Variants in LRP6 observed in about 807,000 individuals in gnomAD.
LRP6 encodes low-density lipoprotein receptor-related protein 6.
In LRP6, 43 loss-of-function variants were observed where a neutral mutation model predicts 184.1. The observed-to-expected ratio is 0.23, with a 90% CI of 0.18 to 0.30. The LOEUF (loss-of-function observed/expected upper bound fraction) is 0.30. Among genes scored for constraint, LRP6 ranks in the 10% least tolerant of loss-of-function variants. The probability of loss-of-function intolerance (pLI) is 1.00; values close to 1 mark genes in which losing one functional copy is unlikely to be tolerated. For synonymous variants in LRP6, 719 were observed against 684.9 expected (o/e 1.05, Z -0.78); for missense variants, 1,571 against 2,005.3 (o/e 0.78, Z 4.14).
At chr12:12,146,851 C>T (rs1455396848) in intron 15 of LRP6, among the ~76,000 whole-genome samples, 1 of 152,134 alleles carries the variant, frequency 6.6e-6, no homozygotes, top group African/African-American at 2.4e-5. Flanking sequence ...GGAAAGGATG[C>T]ATTAGAAATG....
intron 3 of LRP6, among the ~76,000 whole-genome samples, chr12:12,189,674 T>G (rs1461240547): frequency 6.6e-6 from 1 of 152,156 alleles, no homozygotes; most frequent in East Asian, 1.9e-4. Flanking sequence ...GCTAATTTTG[T>G]ATTTTTAGTA....
intron 3 of LRP6, among the ~76,000 whole-genome samples, chr12:12,195,092 C>A (rs1053306790): frequency 2.0e-5 from 3 of 152,166 alleles, no homozygotes; most frequent in Non-Finnish European, 2.9e-5. Context: ...TTTTCTTTAT[C>A]TATTCATCTG....
At chr12:12,173,034 G>A (rs994871248) in intron 7 of LRP6, among the ~76,000 whole-genome samples, 2 of 152,174 alleles carry the variant, frequency 1.3e-5, no homozygotes, top group African/African-American at 2.4e-5. Context: ...AAGGAATCAG[G>A]CATTGAATAT....
At position 12,165,072 on chromosome 12, in the gene LRP6, T is replaced by G. The variant is rs771324574; in HGVS notation, c.1762+7A>C. On this transcript the variant is annotated splice_region_variant and intron_variant, in intron 8 of 22. Coordinates refer to ENST00000261349, the MANE Select transcript of LRP6 (RefSeq NM_002336.3). Reference sequence around the variant, plus strand: ...CCCATTTCTAAGAAAGCTTTGGAGTTACTCACCAATCACTCGATGAACATT... The same window carrying G: ...CCCATTTCTAAGAAAGCTTTGGAGTGACTCACCAATCACTCGATGAACATT... 3.1e-6 allele frequency: 5 copies of G among 1,604,892 alleles called. No individual in the cohort carries two copies. Among genetic ancestry groups the G allele is most frequent in the Non-Finnish European group, 4.3e-6 (5 of 1,171,672 alleles).
At chr12:12,173,081 A>C (rs183488864) in intron 7 of LRP6, among the ~76,000 whole-genome samples, 1 of 152,154 alleles carries the variant, frequency 6.6e-6, no homozygotes, top group Non-Finnish European at 1.5e-5. Context: ...TTTCTGTTAG[A>C]GCTAAAAATT....
intron 3 of LRP6, among the ~76,000 whole-genome samples, chr12:12,198,547 T>C (rs1863830291): frequency 1.4e-5 from 2 of 146,852 alleles, no homozygotes. Context: ...TTTTTTTTTT[T>C]TTTTTGAGAC....
At chr12:12,147,681 G>C (rs543452870) in intron 14 of LRP6, 125 bp from the exon 15 acceptor site, 1 of 833,990 alleles carries the variant, frequency 1.2e-6, no homozygotes, top group South Asian at 1.6e-5. Context: ...TTTAAAATAC[G>C]TATTTTTTGA....
chr12:12,229,706 G>A (rs1271653427), intron 2 of LRP6, among the ~76,000 whole-genome samples: 1 of 152,142 alleles, frequency 6.6e-6, no homozygotes, highest in South Asian at 2.1e-4. Flanking sequence ...GCCAATTTTA[G>A]TATGCTTTGG....
At chr12:12,251,134 T>G (rs1023750763) in intron 1 of LRP6, among the ~76,000 whole-genome samples, 1 of 152,036 alleles carries the variant, frequency 6.6e-6, no homozygotes, top group Non-Finnish European at 1.5e-5. Context: ...GGTTTTGCCA[T>G]GTTAGCCAGG....
chr12:12,212,118 A>C (rs1325741325), intron 2 of LRP6, among the ~76,000 whole-genome samples: 2 of 152,130 alleles, frequency 1.3e-5, no homozygotes, highest in Non-Finnish European at 2.9e-5. Context: ...GTTTACTCAT[A>C]TGTTTTCACC....
intron 2 of LRP6, among the ~76,000 whole-genome samples, chr12:12,226,005 G>A (rs1215548073): frequency 6.6e-6 from 1 of 152,072 alleles, no homozygotes; most frequent in Non-Finnish European, 1.5e-5. Flanking sequence ...AACCAACCTG[G>A]GGGAAGGAAA....
chr12:12,235,515 G>C (rs1166481609), intron 2 of LRP6, among the ~76,000 whole-genome samples: 1 of 152,116 alleles, frequency 6.6e-6, no homozygotes, highest in South Asian at 2.1e-4. Context: ...CGGATCACCT[G>C]AGGTTGGGAG....
chr12:12,233,926 A>G (rs558219260), intron 2 of LRP6, among the ~76,000 whole-genome samples: 9 of 152,294 alleles, frequency 5.9e-5, no homozygotes, highest in Admixed American at 5.2e-4. Context: ...CACTCACACA[A>G]TGGTATACTA....
chr12:12,193,069 T>C (rs565359067), intron 3 of LRP6, among the ~76,000 whole-genome samples: 2 of 152,144 alleles, frequency 1.3e-5, no homozygotes, highest in South Asian at 2.1e-4. Flanking sequence ...ATGAAATTCA[T>C]GAAGAAATCA....
At chr12:12,224,096 A>G (rs1424388708) in intron 2 of LRP6, among the ~76,000 whole-genome samples, 1 of 152,156 alleles carries the variant, frequency 6.6e-6, no homozygotes, top group African/African-American at 2.4e-5. Flanking sequence ...ACCCACTTCA[A>G]TGAGGTTGTT....
Position 12,186,923 on chromosome 12 carries a change from C to T in LRP6, c.844G>A (p.Ala282Thr), listed in dbSNP as rs1863490205. Residue 282 changes from alanine to threonine, a missense_variant and splice_region_variant, in exon 4 of 23, where the codon GCC becomes ACC. Ala to Thr is a moderately conservative substitution (Grantham distance 58). Transcript: ENST00000261349. ...AATTTAAAAATCAAGGATCACTTAC[C>T]ATTTGGCTGCCTCTGTTGGCTGAAG... ...HAFSQQRQPN[A>T]TNPCGIDNGG... 2 of 1,613,780 alleles carry T rather than the reference C, an allele frequency of 1.2e-6. No individual in the cohort carries two copies. The highest frequency in any genetic ancestry group is 2.7e-5 in the African/African-American group (2 of 74,916).
At chr12:12,124,769 TATTA>T in intron 21 of LRP6, 107 bp from the exon 22 acceptor site, 1 of 696,934 alleles carries the variant, frequency 1.4e-6, no homozygotes, top group South Asian at 1.8e-5. Context: ...TACAATACAC[TATTA>T]GCACAATTCT....
chr12:12,195,598 C>T (rs941104664), intron 3 of LRP6, among the ~76,000 whole-genome samples: 5 of 152,032 alleles, frequency 3.3e-5, no homozygotes, highest in Admixed American at 2.6e-4. Flanking sequence ...ATATTAATCC[C>T]ATGTCAGATG....
intron 7 of LRP6, among the ~76,000 whole-genome samples, chr12:12,172,714 T>C (rs148865290): frequency 2.6e-5 from 4 of 152,324 alleles, no homozygotes; most frequent in East Asian, 1.9e-4. Context: ...TACAACTTCA[T>C]AGAACATAAA....
Sources: gnomAD v4.1 joint callset for allele counts (sites outside exome capture counted in the v4.1 genomes callset) on GRCh38, gnomAD v4.1.1 for gene constraint, MANE v1.5 for transcripts, NCBI Gene and HGNC (gene_info 2026-07-23, HGNC 2026-07-21) for gene names.